The following RETREG1 variants were observed in gnomAD, a reference collection of about 807,000 sequenced individuals.
RETREG1 encodes the protein reticulophagy regulator 1.
A neutral mutation model predicts 54.8 loss-of-function variants in RETREG1; 44 were observed. That is an observed-to-expected ratio of 0.80 (90% CI 0.63 to 1.03). The LOEUF (loss-of-function observed/expected upper bound fraction) is 1.03. Among genes scored for constraint, RETREG1 ranks in the 50% least tolerant of loss-of-function variants. The pLI is 0.00. For missense variants in RETREG1, 554 were observed against 605.1 expected, an observed-to-expected ratio of 0.92 and a Z score of 0.89; for synonymous variants, 217 against 238.5, an observed-to-expected ratio of 0.91 and a Z score of 0.83.
intron 1 of RETREG1, among the ~76,000 whole-genome samples, chr5:16,602,783 A>G (rs1743084721): frequency 6.6e-6 from 1 of 152,118 alleles, no homozygotes; most frequent in Non-Finnish European, 1.5e-5. Context: ...CAAGGTGGGC[A>G]GATCACCTGA....
intron 1 of RETREG1, among the ~76,000 whole-genome samples, chr5:16,584,155 G>A (rs929043065): frequency 1.3e-5 from 2 of 152,142 alleles, no homozygotes; most frequent in African/African-American, 2.4e-5. Context: ...GTGGAGGGGG[G>A]TGAGGGATAG....
At chr5:16,538,750 G>T (rs1050408138) in intron 3 of RETREG1, among the ~76,000 whole-genome samples, 1 of 151,598 alleles carries the variant, frequency 6.6e-6, no homozygotes, top group African/African-American at 2.4e-5. Flanking sequence ...TGTCGCCCAG[G>T]CTGGAGTGCA....
chr5:16,476,989 A>C (rs886513804), intron 8 of RETREG1, among the ~76,000 whole-genome samples: 1 of 152,190 alleles, frequency 6.6e-6, no homozygotes, highest in East Asian at 1.9e-4. Context: ...CTTTGGACTC[A>C]GGGAACTTGA....
At chr5:16,579,948 C>A (rs1238986050) in intron 1 of RETREG1, among the ~76,000 whole-genome samples, 1 of 152,192 alleles carries the variant, frequency 6.6e-6, no homozygotes, top group East Asian at 1.9e-4. Context: ...CATAAGTTTT[C>A]AACTCATTTT....
chr5:16,527,268 C>G (rs1490303005), intron 3 of RETREG1, among the ~76,000 whole-genome samples: 1 of 152,206 alleles, frequency 6.6e-6, no homozygotes, highest in Non-Finnish European at 1.5e-5. Flanking sequence ...CCATCTGGCT[C>G]CAGGGTGGAG....
intron 1 of RETREG1, among the ~76,000 whole-genome samples, chr5:16,573,681 C>T (rs887876277): frequency 7.0e-6 from 1 of 142,052 alleles, no homozygotes; most frequent in African/African-American, 2.6e-5. Flanking sequence ...AGGATGGATT[C>T]GCTCCAAAGC....
At chr5:16,611,293 C>A (rs1451434549) in intron 1 of RETREG1, among the ~76,000 whole-genome samples, 1 of 152,042 alleles carries the variant, frequency 6.6e-6, no homozygotes, top group Non-Finnish European at 1.5e-5. Context: ...TTAGGAGATA[C>A]ATCTAATGTA....
At chr5:16,518,441 A>G (rs2126577292) in intron 3 of RETREG1, among the ~76,000 whole-genome samples, 1 of 151,962 alleles carries the variant, frequency 6.6e-6, no homozygotes, top group East Asian at 1.9e-4. Context: ...GACCTACACT[A>G]TGGTTTTCTT....
intron 1 of RETREG1, 52 bp from the exon 2 acceptor site, chr5:16,572,154 T>C (rs1742191014): frequency 7.3e-7 from 1 of 1,372,296 alleles, no homozygotes; most frequent in South Asian, 1.2e-5. Flanking sequence ...TTTTAACCTT[T>C]TCAAAATTGG....
In RETREG1 at chr5:16,597,341, C is replaced by T. The variant is rs1742929655; in HGVS notation, c.320+19311G>A. On this transcript the variant is annotated intron_variant, in intron 1 of 8. Transcript: ENST00000306320. The surrounding 1 kb of genome is among the most constrained non-coding windows in gnomAD (Gnocchi z 4.3). The stretch of plus-strand genomic sequence containing the variant: ...TAAAATATCTGACACGGGATAAGTG[C>T]TCCACACCCATTAGTTCTGAATTGT... 6.6e-6 allele frequency among the ~76,000 whole-genome samples: 1 copy of T among 152,232 alleles called. No individual in the cohort carries two copies. Among genetic ancestry groups the T allele is most frequent in the Non-Finnish European group, 1.5e-5 (1 of 68,048 alleles).
chr5:16,566,566 T>C (rs1445286116), intron 2 of RETREG1, among the ~76,000 whole-genome samples: 1 of 152,248 alleles, frequency 6.6e-6, no homozygotes, highest in Admixed American at 6.5e-5. Context: ...TGTTGTCCCT[T>C]ATGTTTTTCA....
At chr5:16,573,638 G>T (rs549155066) in intron 1 of RETREG1, among the ~76,000 whole-genome samples, 1 of 151,204 alleles carries the variant, frequency 6.6e-6, no homozygotes, top group South Asian at 2.1e-4. Context: ...TCACAGAAAT[G>T]TGCAGAGAAC....
At chr5:16,496,296 A>G (rs1739453173) in intron 3 of RETREG1, among the ~76,000 whole-genome samples, 2 of 152,374 alleles carry the variant, frequency 1.3e-5, no homozygotes, top group East Asian at 3.9e-4. Flanking sequence ...ACAGCAGAGC[A>G]TAGAAGTCCC....
intron 3 of RETREG1, among the ~76,000 whole-genome samples, chr5:16,535,282 C>T (rs150177502): frequency 6.6e-6 from 1 of 152,372 alleles, no homozygotes; most frequent in African/African-American, 2.4e-5. Context: ...TTCCAGGATA[C>T]CACATGTGAA....
intron 3 of RETREG1, among the ~76,000 whole-genome samples, chr5:16,550,509 C>T (rs577444533): frequency 1.3e-5 from 2 of 152,306 alleles, no homozygotes; most frequent in South Asian, 4.1e-4. Context: ...GTCCCCCAGA[C>T]ATAACTCTGC....
intron 3 of RETREG1, among the ~76,000 whole-genome samples, chr5:16,547,014 T>G (rs1741407862): frequency 6.6e-6 from 1 of 152,194 alleles, no homozygotes; most frequent in Admixed American, 6.5e-5. Context: ...TCAGAGACCT[T>G]TTCCCCATGT....
intron 3 of RETREG1, among the ~76,000 whole-genome samples, chr5:16,528,119 A>G (rs1740781018): frequency 6.6e-6 from 1 of 151,976 alleles, no homozygotes; most frequent in Non-Finnish European, 1.5e-5. Context: ...AGGGACTCTT[A>G]TTTTTAAACA....
intron 3 of RETREG1, among the ~76,000 whole-genome samples, chr5:16,557,208 A>C (rs892139779): frequency 9.8e-5 from 15 of 152,310 alleles, no homozygotes; most frequent in African/African-American, 3.4e-4. Context: ...TCTTCCCTTG[A>C]ACTTACATTC....
At chr5:16,514,001 T>C (rs932539524) in intron 3 of RETREG1, among the ~76,000 whole-genome samples, 1 of 152,222 alleles carries the variant, frequency 6.6e-6, no homozygotes, top group African/African-American at 2.4e-5. Context: ...TTAAATTAAC[T>C]TCAAAACATA....
Sources: allele counts gnomAD v4.1 joint callset (sites outside exome capture counted in the v4.1 genomes callset), GRCh38; gene constraint gnomAD v4.1.1; non-coding constraint Gnocchi (gnomAD v3.1); transcripts MANE v1.5; gene names NCBI Gene and HGNC (gene_info 2026-07-23, HGNC 2026-07-21).